Variants in PHACTR2 observed in about 807,000 individuals in gnomAD.
PHACTR2 encodes phosphatase and actin regulator 2, also known as chromosome 6 open reading frame 56.
Under a neutral mutation model 76.0 loss-of-function variants are expected in PHACTR2, and 30 were observed. The ratio of observed to expected loss-of-function variants is 0.39; its 90% CI spans 0.30 to 0.54. The LOEUF is 0.54. PHACTR2 is among the 20% of genes least tolerant of loss of function. The probability of loss-of-function intolerance (pLI) is 0.61; values close to 1 mark genes in which losing one functional copy is unlikely to be tolerated. For synonymous variants in PHACTR2, 292 were observed against 292.5 expected, an observed-to-expected ratio of 1.00 and a Z score of 0.02; for missense variants, 696 against 781.1, an observed-to-expected ratio of 0.89 and a Z score of 1.30.
At chr6:143,702,565 C>T (rs1350622579) in intron 1 of PHACTR2, among the ~76,000 whole-genome samples, 1 of 152,130 alleles carries the variant, frequency 6.6e-6, no homozygotes, top group Non-Finnish European at 1.5e-5. Context: ...ACTCTTATCT[C>T]TTTCACTAGT....
At chr6:143,635,221 A>G (rs1348021035) in intron 1 of PHACTR2, among the ~76,000 whole-genome samples, 1 of 152,184 alleles carries the variant, frequency 6.6e-6, no homozygotes, top group Non-Finnish European at 1.5e-5. Context: ...TTGGATATCT[A>G]TCCATATTGA....
intron 2 of PHACTR2, among the ~76,000 whole-genome samples, chr6:143,715,194 C>T (rs532823593): frequency 1.3e-5 from 2 of 152,310 alleles, no homozygotes; most frequent in Admixed American, 1.3e-4. Flanking sequence ...ACCTCTACAA[C>T]ATTTTCCATT....
At chr6:143,734,234 C>T (rs931886862) in intron 2 of PHACTR2, among the ~76,000 whole-genome samples, 3 of 152,182 alleles carry the variant, frequency 2.0e-5, no homozygotes, top group Non-Finnish European at 4.4e-5. Context: ...ATGCTTCCAC[C>T]ATGGGTTTAG....
Position 143,789,746 on chromosome 6 carries a change from T to C in PHACTR2, c.1845+836T>C, listed in dbSNP as rs13195123. Among the ~76,000 whole-genome samples, 1 of 152,226 alleles carries C rather than the reference T, an allele frequency of 6.6e-6. No individual in the cohort carries two copies. The highest frequency in any genetic ancestry group is 2.4e-5 in the African/African-American group (1 of 41,462). The stretch of plus-strand genomic sequence containing the variant: ...AAACTAGGCATTTAATCATGCTCTG[T>C]GCTGACTCTTTTTAATAGGAAGCTT... On this transcript the variant is annotated intron_variant, in intron 11 of 12. Coordinates refer to ENST00000440869, the MANE Select transcript of PHACTR2 (RefSeq NM_001100164.2). The surrounding 1 kb of genome is among the most constrained non-coding windows in gnomAD (Gnocchi z 5.1).
chr6:143,605,950 C>T (rs1216331339), upstream of PHACTR2, among the ~76,000 whole-genome samples: 2 of 152,098 alleles, frequency 1.3e-5, no homozygotes. The surrounding 1 kb of genome is among the most constrained non-coding windows in gnomAD (Gnocchi z 5.0). Flanking sequence ...ACATCCATCA[C>T]CACAAATACT....
chr6:143,796,450 T>G (rs1327040904), intron 11 of PHACTR2, among the ~76,000 whole-genome samples: 1 of 152,030 alleles, frequency 6.6e-6, no homozygotes, highest in Admixed American at 6.6e-5. Context: ...CTGGGTTACA[T>G]GTGCAGAACG....
chr6:143,693,861 G>A lies in PHACTR2; in HGVS notation c.46+15652G>A, dbSNP rs541519876. The stretch of plus-strand genomic sequence containing the variant: ...GGGGTAAATTTAGAAAATGGAATAT[G>A]TGTTCATGACCAGCCTGGGCAATGT... On this transcript the variant is annotated intron_variant, in intron 1 of 12. Coordinates refer to ENST00000440869, the MANE Select transcript of PHACTR2 (RefSeq NM_001100164.2). 3.9e-5 allele frequency among the ~76,000 whole-genome samples: 6 copies of A among 152,252 alleles called. No homozygotes were observed. In the East Asian group the frequency reaches 1.2e-3, roughly 29 times the overall value.
chr6:143,778,159 A>C lies in PHACTR2; in HGVS notation c.1645+776A>C, dbSNP rs958824278. 2.6e-5 allele frequency among the ~76,000 whole-genome samples: 4 copies of C among 152,328 alleles called. No homozygotes were observed. In the South Asian group the frequency reaches 8.3e-4, roughly 32 times the overall value. On this transcript the variant is annotated intron_variant, in intron 9 of 12. Transcript: ENST00000440869. The stretch of plus-strand genomic sequence containing the variant: ...TATATTGTTAACCCAGTTTCAAAAG[A>C]TCTTTTTATTGTATGAAATATCAAA...
At chr6:143,565,882 T>A (rs1023171785) in intron 1 of PHACTR2, among the ~76,000 whole-genome samples, 8 of 151,880 alleles carry the variant, frequency 5.3e-5, no homozygotes, top group African/African-American at 1.9e-4. Flanking sequence ...CTGCGCAGGG[T>A]CCTGAGCAGA....
chr6:143,710,235 T>G lies in PHACTR2; in HGVS notation c.47-1781T>G, dbSNP rs1301003231. 6.6e-6 allele frequency among the ~76,000 whole-genome samples: 1 copy of G among 152,138 alleles called. No homozygotes were observed. Among genetic ancestry groups the G allele is most frequent in the Admixed American group, 6.6e-5 (1 of 15,266 alleles). On this transcript the variant is annotated intron_variant, in intron 1 of 12. Coordinates refer to ENST00000440869, the MANE Select transcript of PHACTR2 (RefSeq NM_001100164.2). This position sits in a 1 kb window ranked among gnomAD's most constrained non-coding sequence, Gnocchi z 4.9. ...CTTCTTCAGCTACGAGTCTGGGATA[T>G]TTGAGGCAAAAAGAAAACCCAGGAA...
intron 2 of PHACTR2, among the ~76,000 whole-genome samples, chr6:143,715,010 C>A (rs1462592090): frequency 6.6e-6 from 1 of 152,272 alleles, no homozygotes; most frequent in South Asian, 2.1e-4. Context: ...GTATTACCAT[C>A]AAAACCAAAC....
chr6:143,748,846 T>A (rs1779125089), intron 2 of PHACTR2, 139 bp from the exon 3 acceptor site: 1 of 491,226 alleles, frequency 2.0e-6, no homozygotes, highest in Non-Finnish European at 3.5e-6. Context: ...TCAGATCATG[T>A]GTTTTTTTTA....
chr6:143,751,484 G>C lies in PHACTR2; in HGVS notation c.296-2270G>C, dbSNP rs190216826. 1.3e-5 allele frequency among the ~76,000 whole-genome samples: 2 copies of C among 151,944 alleles called. No individual in the cohort carries two copies. The highest frequency in any genetic ancestry group is 2.9e-5 in the Non-Finnish European group (2 of 67,952). On this transcript the variant is annotated intron_variant, in intron 3 of 12. Transcript: ENST00000440869. The surrounding 1 kb of genome is among the most constrained non-coding windows in gnomAD (Gnocchi z 5.7). ...CATCCTTTCCTTTTCTCCCACTGTGGACTTTTGTCACTTGCCTTTTGGTCA... is the reference window on the plus strand; with the variant it reads ...CATCCTTTCCTTTTCTCCCACTGTGCACTTTTGTCACTTGCCTTTTGGTCA...
At chr6:143,661,438 T>A (rs1341971479) in intron 1 of PHACTR2, among the ~76,000 whole-genome samples, 1 of 152,236 alleles carries the variant, frequency 6.6e-6, no homozygotes, top group East Asian at 1.9e-4. Context: ...TAGAGCACTT[T>A]ATCCTATATA....
chr6:143,713,193 G>T, intron 2 of PHACTR2, among the ~76,000 whole-genome samples: 1 of 152,136 alleles, frequency 6.6e-6, no homozygotes, highest in East Asian at 1.9e-4. Flanking sequence ...GCAAGGATAT[G>T]GAATAGGAGC....
rs1430436301 is a variant in PHACTR2 at position 143,782,773 on chromosome 6, G to T, written c.1646-446G>T. 6.6e-6 allele frequency among the ~76,000 whole-genome samples: 1 copy of T among 152,100 alleles called. No individual in the cohort carries two copies. Among genetic ancestry groups the T allele is most frequent in the Non-Finnish European group, 1.5e-5 (1 of 68,022 alleles). ...TCAGCAGCTCAGACATGCATCGGAT[G>T]GTTCTAATTTGCTCTTTTAATATGT... is the stretch of plus-strand genomic sequence containing the variant. On this transcript the variant is annotated intron_variant, in intron 9 of 12. Transcript: ENST00000440869. The surrounding 1 kb of genome is among the most constrained non-coding windows in gnomAD (Gnocchi z 4.6).
Position 143,619,027 on chromosome 6 carries a change from A to T in PHACTR2, c.13+10705A>T, listed in dbSNP as rs2128439484. Among the ~76,000 whole-genome samples the T allele has an allele frequency of 6.6e-6, 1 of 152,280 alleles. No homozygotes were observed. Among genetic ancestry groups the T allele is most frequent in the Non-Finnish European group, 1.5e-5 (1 of 68,024 alleles). On this transcript the variant is annotated intron_variant, in intron 1 of 11. Coordinates refer to the PHACTR2 transcript ENST00000305766. The surrounding 1 kb of genome is among the most constrained non-coding windows in gnomAD (Gnocchi z 4.5). ...TGTCTTTTATTGTGTGCTACTACTTATATAGAAACTCTGAATTAATTCTTA... is the reference window on the plus strand; with the variant it reads ...TGTCTTTTATTGTGTGCTACTACTTTTATAGAAACTCTGAATTAATTCTTA...
rs1776217633 is a variant in PHACTR2 at position 143,624,417 on chromosome 6, T to C, written c.13+16095T>C. On this transcript the variant is annotated intron_variant, in intron 1 of 11. Transcript: ENST00000305766. The surrounding 1 kb of genome is among the most constrained non-coding windows in gnomAD (Gnocchi z 4.6). ...CCACCGTGCCTGGCCAAAATCTTGT[T>C]AATTCTTATGACCAAGACGCAGTCA... is the stretch of plus-strand genomic sequence containing the variant. Among the ~76,000 whole-genome samples the C allele has an allele frequency of 6.6e-6, 1 of 152,164 alleles. No homozygotes were observed. The highest frequency in any genetic ancestry group is 6.5e-5 in the Admixed American group (1 of 15,276).
In PHACTR2 at chr6:143,596,887, G is replaced by T. The variant is rs142009717; in HGVS notation, c.217+59680G>T. Among the ~76,000 whole-genome samples the T allele has an allele frequency of 7.9e-4, 120 of 152,256 alleles. No homozygotes were observed. The highest frequency in any genetic ancestry group is 2.3e-3 in the African/African-American group (97 of 41,560). On this transcript the variant is annotated intron_variant, in intron 1 of 11. Coordinates refer to the PHACTR2 transcript ENST00000367584. This position sits in a 1 kb window ranked among gnomAD's most constrained non-coding sequence, Gnocchi z 4.6. ...AAGAATCATGGCGTCCAACTCTGGG[G>T]CTGTTGCTAGGGCTCTGCAGCCCTT...
Sources: gnomAD v4.1 joint callset for allele counts (sites outside exome capture counted in the v4.1 genomes callset) on GRCh38, gnomAD v4.1.1 for gene constraint, Gnocchi (gnomAD v3.1) non-coding constraint, MANE v1.5 for transcripts, NCBI Gene and HGNC (gene_info 2026-07-23, HGNC 2026-07-21) for gene names.